PPP1R10: variants seen among roughly 807,000 people sequenced by gnomAD.
PPP1R10 encodes the protein serine/threonine-protein phosphatase 1 regulatory subunit 10.
PPP1R10 carries 15 observed loss-of-function variants against 99.0 expected under a neutral mutation model. That is an observed-to-expected ratio of 0.15 (90% CI 0.10 to 0.23). The LOEUF is 0.23. Ranked by LOEUF, PPP1R10 falls within the 10% of genes least tolerant of loss-of-function variation. The probability of loss-of-function intolerance (pLI) is 1.00; values close to 1 mark genes in which losing one functional copy is unlikely to be tolerated. For synonymous variants in PPP1R10, 430 were observed against 449.5 expected, an observed-to-expected ratio of 0.96 and a Z score of 0.55; for missense variants, 947 against 1,259.4, an observed-to-expected ratio of 0.75 and a Z score of 3.75.
Position 30,606,260 on chromosome 6 carries a change from G to A in PPP1R10, c.635-17C>T, listed in dbSNP as rs180673206. 233 of 1,612,180 alleles carry A rather than the reference G, an allele frequency of 1.4e-4. 1 individual carries two copies. In the African/African-American group the frequency reaches 1.9e-3, roughly 13 times the overall value. On this transcript the variant is annotated splice_polypyrimidine_tract_variant and intron_variant, in intron 8 of 19. Transcript: ENST00000376511. The surrounding 1 kb of genome is among the most constrained non-coding windows in gnomAD (Gnocchi z 6.3). ...GCTCTAGTCCTGGGGAAAGAAGCACGGTGTGGGCAGCTGAACTCAAACCCC... is the reference window on the plus strand; with the variant it reads ...GCTCTAGTCCTGGGGAAAGAAGCACAGTGTGGGCAGCTGAACTCAAACCCC...
chr6:30,612,330 C>T (rs897085430), intron 2 of PPP1R10, among the ~76,000 whole-genome samples: 1 of 152,130 alleles, frequency 6.6e-6, no homozygotes, highest in East Asian at 1.9e-4. Flanking sequence ...CCTTCAGACA[C>T]TAAATAAACT....
At chr6:30,612,531 G>C (rs1804661713) in intron 2 of PPP1R10, among the ~76,000 whole-genome samples, 1 of 152,168 alleles carries the variant, frequency 6.6e-6, no homozygotes, top group African/African-American at 2.4e-5. Flanking sequence ...GGGAAGCTAA[G>C]AGACAAAGCA....
In PPP1R10 at chr6:30,609,082, C is replaced by G; in HGVS notation, c.189G>C (p.Leu63Phe). The G allele has an allele frequency of 6.2e-7, 1 of 1,614,030 alleles. No homozygotes were observed. Among genetic ancestry groups the G allele is most frequent in the Non-Finnish European group, 8.5e-7 (1 of 1,180,006 alleles). ...ILLQTRSPEI[L>F]VKFIDVGGYK... ...CCATCCAGATCCCCACTTACTTGAC[C>G]AATATTTCTGGTGAACGGGTCTGCA... The change falls in exon 4 of 20, where the codon TTG becomes TTC. Residue 63 changes from leucine (L) to phenylalanine (F), a missense_variant. Coordinates refer to ENST00000376511, the MANE Select transcript of PPP1R10 (RefSeq NM_002714.4). This position sits in a 1 kb window ranked among gnomAD's most constrained non-coding sequence, Gnocchi z 4.5.
chr6:30,609,003 C>A lies in PPP1R10; in HGVS notation c.194+74G>T. The stretch of plus-strand genomic sequence containing the variant: ...ACAATCCCAGTCTCCCATCAATGAC[C>A]GAGGAACCCCATGCCTCACCGCCCC... On this transcript the variant is annotated intron_variant, in intron 4 of 19. Transcript: ENST00000376511. This position sits in a 1 kb window ranked among gnomAD's most constrained non-coding sequence, Gnocchi z 4.5. The A allele has an allele frequency of 6.2e-7, 1 of 1,610,562 alleles. No homozygotes were observed. Among genetic ancestry groups the A allele is most frequent in the Non-Finnish European group, 8.5e-7 (1 of 1,177,182 alleles).
rs2127432896 is a variant in PPP1R10 at position 30,600,470 on chromosome 6, A to T, written c.*1079T>A. 6.6e-6 allele frequency: 1 copy of T among 152,402 alleles called. No individual in the cohort carries two copies. The highest frequency in any genetic ancestry group is 1.5e-5 in the Non-Finnish European group (1 of 67,994). 9.4% of individuals were successfully genotyped at this position (152,402 alleles called of 1,614,324 possible). On this transcript the variant is annotated 3_prime_UTR_variant, in exon 20 of 20. Transcript: ENST00000376511. Reference sequence around the variant, plus strand: ...AATATACAAAACCAAAAAAAAAAATACTCATCCTCAAATCCATTTTGGCTC... The same window carrying T: ...AATATACAAAACCAAAAAAAAAAATTCTCATCCTCAAATCCATTTTGGCTC...
chr6:30,609,625 G>A lies in PPP1R10; in HGVS notation c.107+213C>T, dbSNP rs989775927. 2.0e-5 allele frequency among the ~76,000 whole-genome samples: 3 copies of A among 152,178 alleles called. No homozygotes were observed. The highest frequency in any genetic ancestry group is 1.9e-4 in the East Asian group (1 of 5,204). On this transcript the variant is annotated intron_variant, in intron 3 of 19. Coordinates refer to ENST00000376511, the MANE Select transcript of PPP1R10 (RefSeq NM_002714.4). This position sits in a 1 kb window ranked among gnomAD's most constrained non-coding sequence, Gnocchi z 4.5. ...TCCAAAGCATGACTCCCTTGGGACCGTGGACGTCCAAATCTCCAGTTTCCA... is the reference window on the plus strand; with the variant it reads ...TCCAAAGCATGACTCCCTTGGGACCATGGACGTCCAAATCTCCAGTTTCCA...
chr6:30,614,198 A>C (rs1210397493), intron 2 of PPP1R10, among the ~76,000 whole-genome samples: 1 of 152,186 alleles, frequency 6.6e-6, no homozygotes, highest in Non-Finnish European at 1.5e-5. Flanking sequence ...ACAGCACTGC[A>C]TGAGTTGAAA....
chr6:30,613,547 G>C (rs529473077), intron 2 of PPP1R10, among the ~76,000 whole-genome samples: 2 of 151,890 alleles, frequency 1.3e-5, no homozygotes, highest in African/African-American at 2.4e-5. Context: ...CTACCCCTCA[G>C]TCATTTTGCA....
In PPP1R10 at chr6:30,617,230, A is replaced by C. The variant is rs1217502357; in HGVS notation, c.-539T>G. On this transcript the variant is annotated 5_prime_UTR_variant, in exon 1 of 20. Coordinates refer to ENST00000376511, the MANE Select transcript of PPP1R10 (RefSeq NM_002714.4). The stretch of plus-strand genomic sequence containing the variant: ...ACAAAGTAGGCAAACTTACCTCTAA[A>C]CGAACCCCAGAATGGCGGCCGCCCG... The C allele has an allele frequency of 6.5e-6, 1 of 153,744 alleles. No homozygotes were observed. Among genetic ancestry groups the C allele is most frequent in the Non-Finnish European group, 1.5e-5 (1 of 68,630 alleles). 9.5% of individuals were successfully genotyped at this position (153,744 alleles called of 1,614,324 possible). A position where few individuals can be genotyped will look rare whatever the true frequency, so the allele number is the denominator to read the frequency against.
At position 30,606,824 on chromosome 6, in the gene PPP1R10, C is replaced by T. The variant is rs972172068; in HGVS notation, c.415G>A (p.Asp139Asn). The change falls in exon 7 of 20, where the codon GAC (aspartate) becomes AAC (asparagine). Residue 139 changes from aspartate (D) to asparagine (N), a missense_variant. Physicochemically the swap from Asp to Asn is conservative, Grantham distance 23. Transcript: ENST00000376511. The surrounding 1 kb of genome is among the most constrained non-coding windows in gnomAD (Gnocchi z 6.3). ...TGAGAGCGGATGACAGCCATCCAGTCGCTGACAAGGACTGAGGCCAATTTC... is the reference window on the plus strand; with the variant it reads ...TGAGAGCGGATGACAGCCATCCAGTTGCTGACAAGGACTGAGGCCAATTTC... ...LRKLASVLVS[D>N]WMAVIRSQSS... The T allele has an allele frequency of 6.8e-6, 11 of 1,613,912 alleles. No individual in the cohort carries two copies. The highest frequency in any genetic ancestry group is 1.3e-5 in the African/African-American group (1 of 74,908).
chr6:30,616,918 CCTTT>C lies in PPP1R10; in HGVS notation c.-456_-453del, dbSNP rs1760642152. On this transcript the variant is annotated 5_prime_UTR_variant, in exon 2 of 20. Transcript: ENST00000376511. ...TTCCCTTTCCCCCCTCTCTCAGGAT[CCTTT>C]CAAGGGCTTAGATGTTGCTGCGGCT... The C allele has an allele frequency of 6.6e-6, 1 of 152,284 alleles. No homozygotes were observed. Among genetic ancestry groups the C allele is most frequent in the Non-Finnish European group, 1.5e-5 (1 of 68,096 alleles). 9.4% of individuals were successfully genotyped at this position (152,284 alleles called of 1,614,324 possible). A position where few individuals can be genotyped will look rare whatever the true frequency, so the allele number is the denominator to read the frequency against.
intron 16 of PPP1R10, 54 bp downstream of exon 16, chr6:30,603,418 A>G: frequency 6.3e-7 from 1 of 1,591,800 alleles, no homozygotes; most frequent in Non-Finnish European, 8.6e-7. Context: ...CAGTGAGGAG[A>G]GCGAGCTTAA....
chr6:30,613,952 T>C (rs1804814493), intron 2 of PPP1R10, among the ~76,000 whole-genome samples: 1 of 152,194 alleles, frequency 6.6e-6, no homozygotes, highest in Non-Finnish European at 1.5e-5. Context: ...AGTAATAATT[T>C]GAGAATCTGT....
Position 30,609,039 on chromosome 6 carries a change from TAC to T in PPP1R10, c.194+36_194+37del. ...ATGCCTCACCGCCCCATCTTTTCGC[TAC>T]ACCTTCCCATTCCAACCATCCAGAT... On this transcript the variant is annotated intron_variant, in intron 4 of 19. Transcript: ENST00000376511. This position sits in a 1 kb window ranked among gnomAD's most constrained non-coding sequence, Gnocchi z 4.5. 6.2e-7 allele frequency: 1 copy of T among 1,613,488 alleles called. No individual in the cohort carries two copies. Among genetic ancestry groups the T allele is most frequent in the Non-Finnish European group, 8.5e-7 (1 of 1,179,472 alleles).
Position 30,602,719 on chromosome 6 carries a change from T to G in PPP1R10, c.1958-28A>C, listed in dbSNP as rs768013358. 2.5e-6 allele frequency: 4 copies of G among 1,599,742 alleles called. No individual in the cohort carries two copies. The African/African-American group carries it at 4.0e-5, about 16-fold the overall frequency. The stretch of plus-strand genomic sequence containing the variant: ...GTAAGGGGACAAAAAAGAGAGACAG[T>G]ATCAGCTACCAGGAACTGCCATCTC... On this transcript the variant is annotated intron_variant, in intron 18 of 19. Coordinates refer to ENST00000376511, the MANE Select transcript of PPP1R10 (RefSeq NM_002714.4). The surrounding 1 kb of genome is among the most constrained non-coding windows in gnomAD (Gnocchi z 6.7).
chr6:30,605,780 AAC>A (rs1375308370), intron 10 of PPP1R10, 141 bp downstream of exon 10: 1 of 780,050 alleles, frequency 1.3e-6, no homozygotes, highest in Non-Finnish European at 2.1e-6. Context: ...GAATGGCGTG[AAC>A]CCGGGAGGCG....
chr6:30,601,954 C>A lies in PPP1R10; in HGVS notation c.2695G>T (p.Gly899Cys). Reference protein sequence around the residue: ...GGGGHRGHDGGHSHGGDMSNR... With the variant: ...GGGGHRGHDGCHSHGGDMSNR... The stretch of plus-strand genomic sequence containing the variant: ...TCCTCACCTCCTCCATGGCTGTGGC[C>A]TCCATCGTGCCCTCGGTGGCCCCCT... Residue 899 changes from glycine (G) to cysteine (C), a missense_variant, in exon 19 of 20, where the codon GGC becomes TGC. Gly to Cys is a radical substitution (Grantham distance 159, BLOSUM62 -3). Around this residue, in one of 10 missense-constraint regions of PPP1R10, gnomAD observed 525 missense variants for 578.8 expected, o/e 0.91. Transcript: ENST00000376511. The A allele has an allele frequency of 6.6e-7, 1 of 1,510,824 alleles. No individual in the cohort carries two copies. Among genetic ancestry groups the A allele is most frequent in the East Asian group, 2.3e-5 (1 of 43,786 alleles). 93.6% of individuals were successfully genotyped at this position (1,510,824 alleles called of 1,614,324 possible).
Position 30,604,572 on chromosome 6 carries a change from C to T in PPP1R10, c.1102+16G>A. The T allele has an allele frequency of 6.2e-7, 1 of 1,612,810 alleles. No homozygotes were observed. The highest frequency in any genetic ancestry group is 8.5e-7 in the Non-Finnish European group (1 of 1,179,926). ...CTTTCAGAAAACCCCCCAAACTGAA[C>T]CAGTTTCTAGATTACCTGTATCCAT... On this transcript the variant is annotated intron_variant, in intron 12 of 19. Transcript: ENST00000376511. The surrounding 1 kb of genome is among the most constrained non-coding windows in gnomAD (Gnocchi z 7.3).
chr6:30,612,129 C>T (rs896684018), intron 2 of PPP1R10, among the ~76,000 whole-genome samples: 2 of 152,064 alleles, frequency 1.3e-5, no homozygotes, highest in African/African-American at 4.8e-5. Flanking sequence ...TATATATACA[C>T]ACATACCTAC....
Sources: allele counts gnomAD v4.1 joint callset (sites outside exome capture counted in the v4.1 genomes callset), GRCh38; gene constraint gnomAD v4.1.1; regional missense constraint gnomAD v4.1.1; non-coding constraint Gnocchi (gnomAD v3.1); transcripts MANE v1.5; gene names NCBI Gene and HGNC (gene_info 2026-07-23, HGNC 2026-07-21).